Variants in GPD2 observed in about 807,000 individuals in gnomAD.
GPD2 encodes glycerol-3-phosphate dehydrogenase 2.
A neutral mutation model predicts 82.4 loss-of-function variants in GPD2; 54 were observed. The ratio of observed to expected loss-of-function variants is 0.66; its 90% CI spans 0.53 to 0.82. The LOEUF is 0.82. Among genes scored for constraint, GPD2 ranks in the 40% least tolerant of loss-of-function variants. The pLI is 0.00. For synonymous variants in GPD2, 288 were observed against 306.1 expected (o/e 0.94, Z 0.62); for missense variants, 748 against 896.2 (o/e 0.83, Z 2.11).
At chr2:156,496,252 T>A in intron 3 of GPD2, 37 bp downstream of exon 3, 1 of 1,424,564 alleles carries the variant, frequency 7.0e-7, no homozygotes, top group Non-Finnish European at 9.8e-7. Context: ...TTTTAAGTTC[T>A]GGGGTACATG....
chr2:156,469,283 C>T (rs1419241216), intron 1 of GPD2, among the ~76,000 whole-genome samples: 1 of 152,202 alleles, frequency 6.6e-6, no homozygotes, highest in Non-Finnish European at 1.5e-5. Flanking sequence ...CTGTCTCAGC[C>T]TCCTGAGTAT....
chr2:156,415,884 A>G, the GPD2 span, among the ~76,000 whole-genome samples: 1 of 141,970 alleles, frequency 7.0e-6, no homozygotes, highest in Non-Finnish European at 1.6e-5. Flanking sequence ...AGCCGGGCGT[A>G]GTGGCGGGCG....
chr2:156,423,600 C>T, the GPD2 span, among the ~76,000 whole-genome samples: 2 of 152,174 alleles, frequency 1.3e-5, no homozygotes, highest in East Asian at 3.9e-4. Context: ...GTTTCAATGC[C>T]GTTCTTTCCA....
At chr2:156,552,513 G>A (rs1686796776) in intron 8 of GPD2, among the ~76,000 whole-genome samples, 1 of 152,148 alleles carries the variant, frequency 6.6e-6, no homozygotes, top group Non-Finnish European at 1.5e-5. Context: ...TCTAAGAATG[G>A]AGTGTAGATG....
chr2:156,467,243 G>A (rs1256220954), intron 1 of GPD2, among the ~76,000 whole-genome samples: 1 of 152,134 alleles, frequency 6.6e-6, no homozygotes, highest in Non-Finnish European at 1.5e-5. Flanking sequence ...TGCCCTTCTT[G>A]GAAGCAGGCT....
intron 6 of GPD2, among the ~76,000 whole-genome samples, chr2:156,532,857 A>G (rs1180731621): frequency 2.0e-5 from 3 of 152,212 alleles, no homozygotes; most frequent in Non-Finnish European, 1.5e-5. Context: ...CTAGTATTGG[A>G]CAGAATCACA....
intron 1 of GPD2, among the ~76,000 whole-genome samples, chr2:156,456,386 C>G (rs1031571369): frequency 6.6e-6 from 1 of 151,882 alleles, no homozygotes; most frequent in African/African-American, 2.4e-5. Flanking sequence ...GGCAGATCAC[C>G]TGAGGTCAGG....
At chr2:156,582,290 AT>A (rs1385022006) in intron 16 of GPD2, among the ~76,000 whole-genome samples, 1 of 151,918 alleles carries the variant, frequency 6.6e-6, no homozygotes, top group Non-Finnish European at 1.5e-5. Flanking sequence ...CTCTGGGTCC[AT>A]TTTCAAGGAA....
rs575980642 is a variant in GPD2, at chr2:156,443,538, C to T, written c.-9+7025C>T. On this transcript the variant is annotated intron_variant, in intron 1 of 16. Transcript: ENST00000438166. ...CTATTCAACTGGATACTTTAAGCTT[C>T]ATCTTTTTTTAGGCATCTCCCTCCC... Among the ~76,000 whole-genome samples the T allele has an allele frequency of 4.6e-5, 7 of 152,326 alleles. No individual in the cohort carries two copies. In the South Asian group the frequency reaches 1.5e-3, roughly 32 times the overall value.
chr2:156,408,410 A>C, the GPD2 span, among the ~76,000 whole-genome samples: 1 of 152,298 alleles, frequency 6.6e-6, no homozygotes, highest in East Asian at 1.9e-4. Context: ...TCTTGAAAGC[A>C]TCGCCTGGGA....
chr2:156,487,775 A>G (rs931258788), intron 2 of GPD2, among the ~76,000 whole-genome samples: 2 of 152,248 alleles, frequency 1.3e-5, no homozygotes, highest in African/African-American at 4.8e-5. Context: ...TCAGTGAGCC[A>G]TCAGAGTTGA....
At chr2:156,582,186 T>A (rs187916402) in intron 16 of GPD2, among the ~76,000 whole-genome samples, 5 of 152,176 alleles carry the variant, frequency 3.3e-5, no homozygotes, top group Admixed American at 3.3e-4. Flanking sequence ...GCTGCCTGCA[T>A]GTAATTTCAA....
At chr2:156,490,535 A>T (rs1253007872) in intron 2 of GPD2, among the ~76,000 whole-genome samples, 1 of 152,168 alleles carries the variant, frequency 6.6e-6, no homozygotes, top group African/African-American at 2.4e-5. Context: ...TACCAAACAA[A>T]CTACTTTCTA....
chr2:156,512,161 C>A, intron 4 of GPD2, 59 bp from the exon 5 acceptor site: 2 of 849,340 alleles, frequency 2.4e-6, no homozygotes, highest in Non-Finnish European at 2.1e-6. Context: ...GTCTATTTGC[C>A]ATTTGAAAAT....
chr2:156,424,481 A>C, the GPD2 span, among the ~76,000 whole-genome samples: 1 of 152,214 alleles, frequency 6.6e-6, no homozygotes, highest in African/African-American at 2.4e-5. Flanking sequence ...GCAACTGCTC[A>C]AGGACACAGT....
chr2:156,525,722 A>G (rs868783724), intron 6 of GPD2, among the ~76,000 whole-genome samples: 28 of 152,348 alleles, frequency 1.8e-4, no homozygotes, highest in African/African-American at 5.1e-4. Flanking sequence ...TTTATTTCCT[A>G]TAAGTGTGGT....
At chr2:156,557,912 G>T (rs1687022981) in intron 9 of GPD2, among the ~76,000 whole-genome samples, 1 of 152,160 alleles carries the variant, frequency 6.6e-6, no homozygotes, top group South Asian at 2.1e-4. Flanking sequence ...TGCAGCTTAG[G>T]AATGTCTAAT....
At chr2:156,577,494 A>T (rs1302396494) in intron 13 of GPD2, among the ~76,000 whole-genome samples, 7 of 152,190 alleles carry the variant, frequency 4.6e-5, no homozygotes, top group Non-Finnish European at 7.4e-5. Context: ...CTCAGAAAAA[A>T]AAAAGTTTGT....
At chr2:156,535,605 G>T (rs1275689087) in intron 6 of GPD2, among the ~76,000 whole-genome samples, 4 of 151,926 alleles carry the variant, frequency 2.6e-5, no homozygotes, top group African/African-American at 4.8e-5. Context: ...TGTCTTTGTG[G>T]CTTACCTCTT....
Sources: gnomAD v4.1 joint callset for allele counts (sites outside exome capture counted in the v4.1 genomes callset) on GRCh38, gnomAD v4.1.1 for gene constraint, MANE v1.5 for transcripts, NCBI Gene and HGNC (gene_info 2026-07-23, HGNC 2026-07-21) for gene names.